Variants in KCNC2 observed in about 807,000 individuals in gnomAD.
KCNC2 encodes potassium voltage-gated channel subfamily C member 2.
KCNC2 carries 21 observed loss-of-function variants against 44.5 expected under a neutral mutation model. The observed-to-expected ratio is 0.47, with a 90% CI of 0.33 to 0.68. The LOEUF (loss-of-function observed/expected upper bound fraction) is 0.68. KCNC2 is among the 30% of genes least tolerant of loss of function. The probability of loss-of-function intolerance (pLI) is 0.01; values close to 1 mark genes in which losing one functional copy is unlikely to be tolerated. For synonymous variants in KCNC2, 391 were observed against 339.1 expected, an observed-to-expected ratio of 1.15 and a Z score of -1.68; for missense variants, 589 against 826.2, an observed-to-expected ratio of 0.71 and a Z score of 3.52.
rs115184384 is a variant in KCNC2, at chr12:75,148,548, G to C, written c.687+58749C>G. On this transcript the variant is annotated intron_variant, in intron 2 of 4. Coordinates refer to ENST00000549446, the MANE Select transcript of KCNC2 (RefSeq NM_139137.4). The stretch of plus-strand genomic sequence containing the variant: ...ATTTTAGTAATTTAAAACAAGAAAG[G>C]CTAGCTTGGTGACTATGATATTTCA... Among the ~76,000 whole-genome samples the C allele has an allele frequency of 3.9e-5, 6 of 152,024 alleles. No homozygotes were observed. The East Asian group carries it at 1.2e-3, about 29-fold the overall frequency.
At position 75,083,964 on chromosome 12, in the gene KCNC2, T is replaced by A. The variant is rs1884731365; in HGVS notation, c.688-32647A>T. On this transcript the variant is annotated intron_variant, in intron 2 of 4. Transcript: ENST00000549446. The stretch of plus-strand genomic sequence containing the variant: ...ATACCCTCTGTTCTATATTCTTCTA[T>A]GAAGTGGATTGTGAAAGCACTGATG... Among the ~76,000 whole-genome samples, 3 of 151,966 alleles carry A rather than the reference T, an allele frequency of 2.0e-5. No individual in the cohort carries two copies. In the South Asian group the frequency reaches 6.2e-4, roughly 31 times the overall value.
chr12:75,155,675 C>T (rs1236934974), intron 2 of KCNC2, among the ~76,000 whole-genome samples: 1 of 151,476 alleles, frequency 6.6e-6, no homozygotes, highest in East Asian at 2.0e-4. Flanking sequence ...CTACAGGTGG[C>T]CCTAACTAGA....
chr12:75,165,499 G>A (rs1444018448), intron 2 of KCNC2, among the ~76,000 whole-genome samples: 1 of 151,448 alleles, frequency 6.6e-6, no homozygotes, highest in African/African-American at 2.4e-5. Flanking sequence ...AATTGTAATT[G>A]TGTATAGATT....
intron 2 of KCNC2, among the ~76,000 whole-genome samples, chr12:75,173,633 T>A (rs1325301314): frequency 6.6e-6 from 1 of 151,906 alleles, no homozygotes; most frequent in East Asian, 1.9e-4. Context: ...TATAATTACA[T>A]GTCCTTTTGG....
intron 2 of KCNC2, among the ~76,000 whole-genome samples, chr12:75,152,061 C>T (rs1229644436): frequency 2.1e-5 from 3 of 144,374 alleles, no homozygotes; most frequent in Admixed American, 6.9e-5. Flanking sequence ...TGCTGTGAAC[C>T]TATAATTAAT....
Position 75,132,171 on chromosome 12 carries a change from G to A in KCNC2, c.687+75126C>T, listed in dbSNP as rs150502515. On this transcript the variant is annotated intron_variant, in intron 2 of 4. Coordinates refer to ENST00000549446, the MANE Select transcript of KCNC2 (RefSeq NM_139137.4). The stretch of plus-strand genomic sequence containing the variant: ...AATATACCCCTCATAGCCTTTTGGG[G>A]GCTATCAGTGAGATACTGCAGGTAA... Among the ~76,000 whole-genome samples the A allele has an allele frequency of 1.3e-3, 202 of 152,146 alleles. 1 individual carries two copies. Among genetic ancestry groups the A allele is most frequent in the African/African-American group, 4.6e-3 (191 of 41,510 alleles).
Position 75,040,219 on chromosome 12 carries a change from G to A in KCNC2, c.*2886C>T, listed in dbSNP as rs1278342344. 2 of 151,902 alleles carry A rather than the reference G, an allele frequency of 1.3e-5. No homozygotes were observed. The highest frequency in any genetic ancestry group is 1.9e-4 in the East Asian group (1 of 5,168). The allele number at this position is 151,902 out of a possible 1,614,324, so 9.4% of individuals were successfully genotyped here. A position where few individuals can be genotyped will look rare whatever the true frequency, so the allele number is the denominator to read the frequency against. Reference sequence around the variant, plus strand: ...CTTGAAATGTTCACAAAAGGTCCACGATACAGGGATTTATAATAGGCTATA... The same window carrying A: ...CTTGAAATGTTCACAAAAGGTCCACAATACAGGGATTTATAATAGGCTATA... On this transcript the variant is annotated 3_prime_UTR_variant, in exon 5 of 5. Coordinates refer to ENST00000549446, the MANE Select transcript of KCNC2 (RefSeq NM_139137.4).
rs1891755481 is a variant in KCNC2 at position 75,170,703 on chromosome 12, T to C, written c.687+36594A>G. 2.0e-5 allele frequency among the ~76,000 whole-genome samples: 3 copies of C among 150,998 alleles called. No individual in the cohort carries two copies. The South Asian group carries it at 6.2e-4, about 31-fold the overall frequency. ...ATATGCCGTTGATGTTGAACTTTTT[T>C]TCTTTCCAGGAAGAGAGTTCTCAGC... On this transcript the variant is annotated intron_variant, in intron 2 of 4. Coordinates refer to ENST00000549446, the MANE Select transcript of KCNC2 (RefSeq NM_139137.4).
intron 2 of KCNC2, among the ~76,000 whole-genome samples, chr12:75,152,968 G>A (rs1890509348): frequency 6.6e-6 from 1 of 152,008 alleles, no homozygotes; most frequent in African/African-American, 2.4e-5. Flanking sequence ...CACCCAAAAT[G>A]ACTGGGTTGG....
At chr12:75,052,331 C>T (rs1337111352) in intron 2 of KCNC2, among the ~76,000 whole-genome samples, 1 of 152,094 alleles carries the variant, frequency 6.6e-6, no homozygotes, top group African/African-American at 2.4e-5. Flanking sequence ...AGATTCTGTT[C>T]CCCTCACTTA....
At chr12:75,147,176 A>T (rs1421278550) in intron 2 of KCNC2, among the ~76,000 whole-genome samples, 1 of 152,166 alleles carries the variant, frequency 6.6e-6, no homozygotes, top group Non-Finnish European at 1.5e-5. Context: ...CATTTTGTTG[A>T]CAATAGCAAT....
At chr12:75,111,648 C>A (rs572757103) in intron 2 of KCNC2, among the ~76,000 whole-genome samples, 1 of 151,834 alleles carries the variant, frequency 6.6e-6, no homozygotes, top group South Asian at 2.1e-4. Flanking sequence ...CAAGTTTTGA[C>A]ATTTTCATTA....
intron 2 of KCNC2, among the ~76,000 whole-genome samples, chr12:75,179,311 T>C (rs909258156): frequency 2.6e-5 from 4 of 151,938 alleles, no homozygotes; most frequent in Admixed American, 6.6e-5. Context: ...GAGACTATCA[T>C]CTTCATCAAT....
At chr12:75,121,945 A>G (rs1888073433) in intron 2 of KCNC2, among the ~76,000 whole-genome samples, 1 of 134 alleles carries the variant, frequency 7.5e-3, no homozygotes, top group Non-Finnish European at 0.015. Flanking sequence ...CTTCTTGAAC[A>G]CTGACTCAGT....
chr12:75,094,172 C>T (rs922564474), intron 2 of KCNC2, among the ~76,000 whole-genome samples: 3 of 151,604 alleles, frequency 2.0e-5, no homozygotes, highest in Non-Finnish European at 4.4e-5. Flanking sequence ...AAATATGATT[C>T]TCTTTTAAAG....
At chr12:75,084,935 G>A (rs1034874681) in intron 2 of KCNC2, among the ~76,000 whole-genome samples, 17 of 150,148 alleles carry the variant, frequency 1.1e-4, no homozygotes, top group South Asian at 1.0e-3. Context: ...TAATCTATAT[G>A]TAAATATAGA....
chr12:75,103,998 A>G (rs549315587), intron 2 of KCNC2, among the ~76,000 whole-genome samples: 16 of 152,236 alleles, frequency 1.1e-4, no homozygotes, highest in Non-Finnish European at 5.9e-5. Flanking sequence ...TTAGGCTACT[A>G]TTCATCTTCT....
At position 75,199,916 on chromosome 12, in the gene KCNC2, C is replaced by G. The variant is rs535648858; in HGVS notation, c.687+7381G>C. Among the ~76,000 whole-genome samples the G allele has an allele frequency of 7.1e-4, 108 of 151,864 alleles. 1 individual carries two copies. Among genetic ancestry groups the G allele is most frequent in the African/African-American group, 2.4e-3 (98 of 41,484 alleles). On this transcript the variant is annotated intron_variant, in intron 2 of 4. Coordinates refer to ENST00000549446, the MANE Select transcript of KCNC2 (RefSeq NM_139137.4). ...GCTCAGCTTGGGAGGTAAGCTCCTG[C>G]AGGTCTTCTCATAGGTGTTACAAGC...
rs76234102 is a variant in KCNC2, at chr12:75,063,562, G to T, written c.688-12245C>A. Among the ~76,000 whole-genome samples, 25 of 152,118 alleles carry T rather than the reference G, an allele frequency of 1.6e-4. No homozygotes were observed. In the East Asian group the frequency reaches 4.1e-3, roughly 25 times the overall value. On this transcript the variant is annotated intron_variant, in intron 2 of 4. Transcript: ENST00000549446. ...AAATGAGAGAAGCAGGGCAGTGATT[G>T]GTGGTGTTAGCAGTGTGTTGAGGGT...
Sources: allele counts gnomAD v4.1 joint callset (sites outside exome capture counted in the v4.1 genomes callset), GRCh38; gene constraint gnomAD v4.1.1; transcripts MANE v1.5; gene names NCBI Gene and HGNC (gene_info 2026-07-23, HGNC 2026-07-21).